Variants in PAPPA2 observed in about 807,000 individuals in gnomAD.
PAPPA2 encodes pappalysin 2, also known as pappalysin-2.
In PAPPA2, 86 loss-of-function variants were observed where a neutral mutation model predicts 176.4. The ratio of observed to expected loss-of-function variants is 0.49; its 90% CI spans 0.41 to 0.58. The LOEUF (loss-of-function observed/expected upper bound fraction) is 0.58, where lower values mean the gene tolerates loss of function less well. Ranked by LOEUF, PAPPA2 falls within the 20% of genes least tolerant of loss-of-function variation. The pLI is 0.00. For synonymous variants in PAPPA2, 809 were observed against 852.2 expected (o/e 0.95, Z 0.88); for missense variants, 2,073 against 2,256.9 (o/e 0.92, Z 1.65).
chr1:176,595,390 T>C lies in PAPPA2; in HGVS notation c.1786T>C (p.Cys596Arg), dbSNP rs1277302103. 1 of 1,614,074 alleles carries C rather than the reference T, an allele frequency of 6.2e-7. No homozygotes were observed. ...CEPSKIGNDH[C>R]DPECEHPLTG... ...GCCCAGCAAGATTGGCAATGACCATTGTGACCCCGAGTGTGAGCACCCACT... is the reference window on the plus strand; with the variant it reads ...GCCCAGCAAGATTGGCAATGACCATCGTGACCCCGAGTGTGAGCACCCACT... The change falls in exon 3 of 23, where the codon TGT (cysteine) becomes CGT (arginine). Residue 596 changes from cysteine to arginine, a missense_variant. Coordinates refer to ENST00000367662, the MANE Select transcript of PAPPA2 (RefSeq NM_020318.3).
At chr1:176,716,772 C>T (rs192531490) in intron 12 of PAPPA2, among the ~76,000 whole-genome samples, 6 of 151,894 alleles carry the variant, frequency 4.0e-5, no homozygotes, top group South Asian at 2.1e-4. Flanking sequence ...CCACCATGCC[C>T]GGCTAATTTT....
chr1:176,635,814 T>A (rs371712815), intron 3 of PAPPA2, among the ~76,000 whole-genome samples: 2 of 152,150 alleles, frequency 1.3e-5, no homozygotes, highest in Admixed American at 1.3e-4. Flanking sequence ...GGTAGGAGAA[T>A]GAACATTTTT....
At chr1:176,788,145 T>C (rs1201305210) in intron 17 of PAPPA2, among the ~76,000 whole-genome samples, 1 of 152,214 alleles carries the variant, frequency 6.6e-6, no homozygotes, top group East Asian at 1.9e-4. Flanking sequence ...TGCCTTGCAA[T>C]GTACCTGACA....
chr1:176,490,470 C>T (rs1647226106), intron 1 of PAPPA2, among the ~76,000 whole-genome samples: 1 of 152,084 alleles, frequency 6.6e-6, no homozygotes, highest in African/African-American at 2.4e-5. Context: ...CTCTGCTTGC[C>T]TGTAAAACTG....
intron 2 of PAPPA2, among the ~76,000 whole-genome samples, chr1:176,576,829 C>A (rs1465735637): frequency 6.6e-6 from 1 of 152,158 alleles, no homozygotes; most frequent in African/African-American, 2.4e-5. Context: ...ACTCGTCTTT[C>A]CGGAGGTCTG....
chr1:176,627,702 A>G (rs935775517), intron 3 of PAPPA2, among the ~76,000 whole-genome samples: 1 of 152,200 alleles, frequency 6.6e-6, no homozygotes, highest in Non-Finnish European at 1.5e-5. Flanking sequence ...CAGTCTGTCT[A>G]GGGAAGAAAC....
At chr1:176,786,845 G>A (rs186032317) in intron 17 of PAPPA2, among the ~76,000 whole-genome samples, 3 of 152,256 alleles carry the variant, frequency 2.0e-5, no homozygotes, top group Non-Finnish European at 4.4e-5. Context: ...AATACCATAT[G>A]TTCTCACTTA....
At chr1:176,834,993 A>G (rs1251592032) in intron 21 of PAPPA2, among the ~76,000 whole-genome samples, 5 of 152,118 alleles carry the variant, frequency 3.3e-5, no homozygotes, top group Non-Finnish European at 5.9e-5. Flanking sequence ...AAGTGAAGCT[A>G]TGGGGGTCCA....
chr1:176,752,357 A>C lies in PAPPA2; in HGVS notation c.4151+12161A>C, dbSNP rs1003388308. On this transcript the variant is annotated intron_variant, in intron 14 of 22. Transcript: ENST00000367662. The stretch of plus-strand genomic sequence containing the variant: ...TAGAGTATAATAAAAAAAAAAAAAA[A>C]AAAAAAAACATTTACCATTAGGCTG... 2.6e-5 allele frequency among the ~76,000 whole-genome samples: 4 copies of C among 151,772 alleles called. No individual in the cohort carries two copies. The South Asian group carries it at 6.3e-4, about 24-fold the overall frequency.
At chr1:176,787,040 A>C (rs1351609655) in intron 17 of PAPPA2, among the ~76,000 whole-genome samples, 1 of 152,174 alleles carries the variant, frequency 6.6e-6, no homozygotes, top group Non-Finnish European at 1.5e-5. Flanking sequence ...CAATTCACTC[A>C]TGTAACAAAC....
intron 3 of PAPPA2, among the ~76,000 whole-genome samples, chr1:176,655,230 T>C (rs367826723): frequency 8.6e-5 from 13 of 151,886 alleles, no homozygotes; most frequent in South Asian, 6.2e-4. Flanking sequence ...CTTTTTTATT[T>C]TGAGATGTGT....
chr1:176,640,501 G>A (rs1474233252), intron 3 of PAPPA2, among the ~76,000 whole-genome samples: 2 of 151,704 alleles, frequency 1.3e-5, no homozygotes, highest in African/African-American at 4.8e-5. Flanking sequence ...TTTCATCCAT[G>A]TCCCTACAAA....
chr1:176,840,678 C>A (rs1044875999), intron 22 of PAPPA2, among the ~76,000 whole-genome samples: 2 of 152,128 alleles, frequency 1.3e-5, no homozygotes, highest in African/African-American at 4.8e-5. Flanking sequence ...ACAAGCATCT[C>A]GCAGGCACAT....
At chr1:176,763,832 G>A (rs1312703901) in intron 14 of PAPPA2, among the ~76,000 whole-genome samples, 1 of 152,174 alleles carries the variant, frequency 6.6e-6, no homozygotes, top group African/African-American at 2.4e-5. Flanking sequence ...GGCATCTGAA[G>A]GGACTTCTTT....
At chr1:176,840,363 G>T in intron 22 of PAPPA2, 92 bp downstream of exon 22, 1 of 989,284 alleles carries the variant, frequency 1.0e-6, no homozygotes, top group South Asian at 1.4e-5. Flanking sequence ...GTGTAATAAT[G>T]GGTTTGTATT....
intron 17 of PAPPA2, among the ~76,000 whole-genome samples, chr1:176,775,131 G>T (rs1051768260): frequency 1.3e-5 from 2 of 152,120 alleles, no homozygotes; most frequent in Admixed American, 6.6e-5. Flanking sequence ...CTTCTCTGAT[G>T]ATATCACTTA....
intron 14 of PAPPA2, among the ~76,000 whole-genome samples, chr1:176,748,536 T>C (rs978175828): frequency 8.1e-4 from 123 of 152,200 alleles, no homozygotes; most frequent in Non-Finnish European, 1.9e-4. Flanking sequence ...ATCTTCTTCA[T>C]GGCTCAACTG....
At chr1:176,822,022 A>G (rs1666684465) in intron 21 of PAPPA2, among the ~76,000 whole-genome samples, 1 of 152,158 alleles carries the variant, frequency 6.6e-6, no homozygotes, top group African/African-American at 2.4e-5. Flanking sequence ...CTGGAGCCTT[A>G]TGTACTAAAA....
intron 3 of PAPPA2, among the ~76,000 whole-genome samples, chr1:176,623,375 T>C (rs1655701731): frequency 6.6e-6 from 1 of 152,146 alleles, no homozygotes; most frequent in Non-Finnish European, 1.5e-5. Context: ...GCCACATGGC[T>C]CATTGGGAAG....
Sources: allele counts gnomAD v4.1 joint callset (sites outside exome capture counted in the v4.1 genomes callset), GRCh38; gene constraint gnomAD v4.1.1; transcripts MANE v1.5; gene names NCBI Gene and HGNC (gene_info 2026-07-23, HGNC 2026-07-21).